Variants in ST7L observed in about 807,000 individuals in gnomAD.
ST7L encodes the protein suppressor of tumorigenicity 7 protein-like.
ST7L carries 57 observed loss-of-function variants against 72.5 expected under a neutral mutation model. The ratio of observed to expected loss-of-function variants is 0.79; its 90% CI spans 0.64 to 0.98. The LOEUF is 0.98. Ranked by LOEUF, ST7L falls within the 50% of genes least tolerant of loss-of-function variation. The pLI is 0.00. For synonymous variants in ST7L, 221 were observed against 240.9 expected, an observed-to-expected ratio of 0.92 and a Z score of 0.77; for missense variants, 576 against 672.2, an observed-to-expected ratio of 0.86 and a Z score of 1.58.
rs532718114 is a variant in ST7L at position 112,543,399 on chromosome 1, T to C, written c.1490-1309A>G. Among the ~76,000 whole-genome samples the C allele has an allele frequency of 4.3e-3, 660 of 151,902 alleles. 3 individuals are homozygous for C. The highest frequency in any genetic ancestry group is 7.1e-3 in the Non-Finnish European group (480 of 67,966). ...CCCGTCTCTACTAAAAATATAAAAA[T>C]TAGGTGGGCGTGGTGACACGCGCCT... On this transcript the variant is annotated intron_variant, in intron 13 of 14. Coordinates refer to ENST00000358039, the MANE Select transcript of ST7L (RefSeq NM_017744.5).
intron 11 of ST7L, among the ~76,000 whole-genome samples, chr1:112,561,874 A>T (rs1660210583): frequency 1.4e-5 from 2 of 143,952 alleles, no homozygotes; most frequent in African/African-American, 4.9e-5. Context: ...GTCATCTTTA[A>T]AAGGTAAAAA....
At chr1:112,547,784 G>A (rs534594) in intron 13 of ST7L, among the ~76,000 whole-genome samples, 6 of 150,808 alleles carry the variant, frequency 4.0e-5, no homozygotes, top group South Asian at 2.1e-4. Flanking sequence ...GGCTGGTCTC[G>A]GACTCCTGAC....
chr1:112,586,192 C>A (rs1188435051), intron 6 of ST7L, among the ~76,000 whole-genome samples: 2 of 152,194 alleles, frequency 1.3e-5, no homozygotes, highest in Non-Finnish European at 2.9e-5. Context: ...GTTTGGGAGG[C>A]CAAGGCAGGA....
At chr1:112,552,340 G>A (rs989658760) in intron 12 of ST7L, among the ~76,000 whole-genome samples, 1 of 152,058 alleles carries the variant, frequency 6.6e-6, no homozygotes, top group Non-Finnish European at 1.5e-5. Flanking sequence ...TCAAAATTGC[G>A]ATAAGGTTTT....
At chr1:112,561,374 G>T (rs1571024975) in intron 11 of ST7L, among the ~76,000 whole-genome samples, 1 of 98,658 alleles carries the variant, frequency 1.0e-5, no homozygotes, top group Non-Finnish European at 1.9e-5. Context: ...TGAGCTCCCT[G>T]CCTCAAAAAA....
intron 9 of ST7L, among the ~76,000 whole-genome samples, chr1:112,580,176 TCTCA>T (rs1424150077): frequency 6.6e-6 from 1 of 151,966 alleles, no homozygotes; most frequent in East Asian, 1.9e-4. Context: ...TGAGATAGGG[TCTCA>T]CTCTGTCACC....
chr1:112,533,465 C>T (rs1278348763), intron 14 of ST7L, among the ~76,000 whole-genome samples: 10 of 151,652 alleles, frequency 6.6e-5, no homozygotes, highest in African/African-American at 1.9e-4. Context: ...ACTACAGGCG[C>T]GCCACCACGC....
At chr1:112,548,219 G>A (rs556964960) in intron 13 of ST7L, among the ~76,000 whole-genome samples, 9 of 152,168 alleles carry the variant, frequency 5.9e-5, no homozygotes, top group Admixed American at 1.3e-4. Flanking sequence ...TTAGCTGGGC[G>A]TGATGGTGGG....
At chr1:112,566,836 G>A (rs548452898) in intron 11 of ST7L, among the ~76,000 whole-genome samples, 1 of 152,192 alleles carries the variant, frequency 6.6e-6, no homozygotes, top group African/African-American at 2.4e-5. Flanking sequence ...CCACTGTATT[G>A]TAACTTACTT....
chr1:112,573,000 T>C (rs368868129), intron 11 of ST7L, among the ~76,000 whole-genome samples: 45 of 152,080 alleles, frequency 3.0e-4, no homozygotes, highest in East Asian at 2.7e-3. Context: ...ACAAGTAAGA[T>C]TGGCAAATCC....
intron 6 of ST7L, 35 bp downstream of exon 6, chr1:112,591,490 A>G (rs1371920389): frequency 6.3e-6 from 10 of 1,578,688 alleles, no homozygotes; most frequent in Non-Finnish European, 8.7e-6. Flanking sequence ...GGTTTCCTTC[A>G]AAATAAATTT....
At position 112,616,872 on chromosome 1, in the gene ST7L, T is replaced by A; in HGVS notation, c.229A>T (p.Thr77Ser). The stretch of plus-strand genomic sequence containing the variant: ...GTAAGTGCCACATAGAATTTGGGTG[T>A]CAATGAATTTAAAAATACAGTCACT... ...AAVTVFLNSL[T>S]PKFYVALTGT... is the part of the protein sequence containing the mutation. Residue 77 changes from threonine to serine, a missense_variant, in exon 2 of 15, where the codon ACA (threonine) becomes TCA (serine). Physicochemically the swap from Thr to Ser is moderately conservative, Grantham distance 58. This residue lies in a region of ST7L where 511 missense variants were observed against 600.7 expected (regional missense o/e 0.85). Coordinates refer to ENST00000358039, the MANE Select transcript of ST7L (RefSeq NM_017744.5). The A allele has an allele frequency of 1.2e-6, 2 of 1,605,448 alleles. No individual in the cohort carries two copies. Among genetic ancestry groups the A allele is most frequent in the Non-Finnish European group, 8.5e-7 (1 of 1,177,408 alleles).
intron 11 of ST7L, among the ~76,000 whole-genome samples, chr1:112,568,712 C>CA (rs5777128): frequency 0.49 from 73,411 of 148,568 alleles, 18,507 homozygotes; most frequent in East Asian, 0.64. Context: ...AAAACAACAA[C>CA]AAAAAAACAA....
chr1:112,560,416 A>C (rs1344023306), intron 11 of ST7L, among the ~76,000 whole-genome samples: 2 of 152,188 alleles, frequency 1.3e-5, no homozygotes, highest in East Asian at 3.9e-4. Flanking sequence ...AAACCAAAAA[A>C]CAAAAACAAA....
At chr1:112,520,385 G>T (rs144189370), downstream of ST7L, 5 of 1,614,004 alleles carry the variant, frequency 3.1e-6, no homozygotes, top group Non-Finnish European at 3.4e-6. Flanking sequence ...CGAGTCACCC[G>T]TGTTACCCAG....
intron 11 of ST7L, 102 bp from the exon 12 acceptor site, chr1:112,556,120 G>A: frequency 1.0e-6 from 1 of 966,204 alleles, no homozygotes; most frequent in Non-Finnish European, 1.4e-6. Flanking sequence ...CAAAGTGTTA[G>A]AAAGTTAAAC....
chr1:112,616,535 G>A (rs1481013293), intron 2 of ST7L, among the ~76,000 whole-genome samples: 1 of 152,076 alleles, frequency 6.6e-6, no homozygotes, highest in Non-Finnish European at 1.5e-5. Flanking sequence ...CTGAGGTCAG[G>A]AGTTGGAGAC....
At chr1:112,605,088 C>CAAAAAAA (rs35373735) in intron 3 of ST7L, among the ~76,000 whole-genome samples, 1 of 61,312 alleles carries the variant, frequency 1.6e-5, no homozygotes. Context: ...ACTCCGGCTC[C>CAAAAAAA]AAAAAAAAAA....
intron 3 of ST7L, among the ~76,000 whole-genome samples, chr1:112,605,662 C>G (rs1005752310): frequency 6.6e-6 from 1 of 152,142 alleles, no homozygotes; most frequent in African/African-American, 2.4e-5. Context: ...TGCACTCCAG[C>G]CTGGGCAACA....
Sources: allele counts gnomAD v4.1 joint callset (sites outside exome capture counted in the v4.1 genomes callset), GRCh38; gene constraint gnomAD v4.1.1; regional missense constraint gnomAD v4.1.1; transcripts MANE v1.5; gene names NCBI Gene and HGNC (gene_info 2026-07-23, HGNC 2026-07-21).